The following ATR variants were observed in gnomAD, a reference collection of about 807,000 sequenced individuals.
ATR encodes serine/threonine-protein kinase ATR.
Under a neutral mutation model 305.3 loss-of-function variants are expected in ATR, and 142 were observed. The ratio of observed to expected loss-of-function variants is 0.47; its 90% CI spans 0.41 to 0.53. The LOEUF is 0.53. Among genes scored for constraint, ATR ranks in the 20% least tolerant of loss-of-function variants. The probability of loss-of-function intolerance (pLI) is 0.00; values close to 1 mark genes in which losing one functional copy is unlikely to be tolerated. For synonymous variants in ATR, 1,050 were observed against 1,068.1 expected, an observed-to-expected ratio of 0.98 and a Z score of 0.33; for missense variants, 2,135 against 3,133.1, an observed-to-expected ratio of 0.68 and a Z score of 7.60.
At chr3:142,477,806 C>G (rs1440056687) in intron 36 of ATR, among the ~76,000 whole-genome samples, 1 of 152,142 alleles carries the variant, frequency 6.6e-6, no homozygotes, top group Admixed American at 6.5e-5. Context: ...CAACTTCTTC[C>G]TGGTTTAGTC....
chr3:142,480,673 C>T (rs2030368466), intron 36 of ATR, among the ~76,000 whole-genome samples: 1 of 152,234 alleles, frequency 6.6e-6, no homozygotes, highest in Non-Finnish European at 1.5e-5. Context: ...CAGCTATGCC[C>T]TGCCCCCAGA....
At chr3:142,551,931 G>T (rs1047184907) in intron 13 of ATR, among the ~76,000 whole-genome samples, 1 of 152,020 alleles carries the variant, frequency 6.6e-6, no homozygotes, top group African/African-American at 2.4e-5. Context: ...ATCTGACAGA[G>T]GTCTAATATC....
In ATR at chr3:142,533,731, T is replaced by TA. The variant is rs113876291; in HGVS notation, c.3945+1348dup. Among the ~76,000 whole-genome samples, 1,361 of 152,248 alleles carry TA rather than the reference T, an allele frequency of 8.9e-3. 23 individuals are homozygous for TA. The highest frequency in any genetic ancestry group is 0.029 in the African/African-American group (1,218 of 41,536). ...GCTAAACTACATTAAATACTTACTT[T>TA]AAAAAAATCCCATAATAATATACGG... On this transcript the variant is annotated intron_variant, in intron 21 of 46. Transcript: ENST00000350721.
intron 27 of ATR, among the ~76,000 whole-genome samples, chr3:142,508,405 G>A (rs571226183): frequency 1.3e-5 from 2 of 152,130 alleles, no homozygotes; most frequent in African/African-American, 4.8e-5. Context: ...TGTTGGTGAG[G>A]ATTAAATATC....
chr3:142,453,165 G>A lies in ATR; in HGVS notation c.7724C>T (p.Ala2575Val), dbSNP rs762196224. The A allele has an allele frequency of 1.2e-5, 19 of 1,613,888 alleles. No homozygotes were observed. Among genetic ancestry groups the A allele is most frequent in the Middle Eastern group, 1.6e-4 (1 of 6,082 alleles). Residue 2575 changes from alanine (A) to valine (V), a missense_variant, in exon 46 of 47, where the codon GCG becomes GTG. By Grantham distance (64) the Ala-to-Val change is moderately conservative. Coordinates refer to ENST00000350721, the MANE Select transcript of ATR (RefSeq NM_001184.4). ...AACTTCTCCAGTTTCATTCAGTGGC[G>A]CTTTGGAATGCCCTTTCACTGGTTT... Reference protein sequence around the residue: ...WSKPVKGHSKAPLNETGEVVN... With the variant: ...WSKPVKGHSKVPLNETGEVVN...
chr3:142,515,411 C>A lies in ATR; in HGVS notation c.4487G>T (p.Gly1496Val), dbSNP rs752092339. 1 of 1,613,844 alleles carries A rather than the reference C, an allele frequency of 6.2e-7. No individual in the cohort carries two copies. The highest frequency in any genetic ancestry group is 1.1e-5 in the South Asian group (1 of 91,060). ...NFAEWSASWA[G>V]YLITKVRHDL... ...GTTTCTTACCTTTGTAATAAGATAA[C>A]CTGCCCAAGATGCTGACCATTCTGC... The change falls in exon 25 of 47, where the codon GGT becomes GTT. Residue 1496 changes from glycine to valine, a missense_variant. This residue lies in a region of ATR where 202 missense variants were observed against 252.9 expected (regional missense o/e 0.80). Coordinates refer to ENST00000350721, the MANE Select transcript of ATR (RefSeq NM_001184.4).
intron 27 of ATR, among the ~76,000 whole-genome samples, chr3:142,510,826 A>C (rs1168310400): frequency 2.6e-5 from 4 of 152,174 alleles, no homozygotes; most frequent in Non-Finnish European, 4.4e-5. Context: ...AAAGGTTCAA[A>C]GAAAGTAAGA....
chr3:142,465,926 A>C (rs2071117894), intron 40 of ATR: 1 of 211,646 alleles, frequency 4.7e-6, no homozygotes, highest in Non-Finnish European at 9.5e-6. Flanking sequence ...AAATTGCTTG[A>C]GCCTAAGAGG....
chr3:142,457,769 C>CA lies in ATR; in HGVS notation c.7504-15dup, dbSNP rs764000986. The CA allele has an allele frequency of 6.2e-7, 1 of 1,612,200 alleles. No individual in the cohort carries two copies. The highest frequency in any genetic ancestry group is 1.7e-5 in the Admixed American group (1 of 59,976). On this transcript the variant is annotated splice_polypyrimidine_tract_variant and intron_variant, in intron 44 of 46. Transcript: ENST00000350721. Reference sequence around the variant, plus strand: ...AAAGGTTTCTCCCTTAGAAACAATACATTTTATTACAAACTAACAATGTTA... The same window carrying CA: ...AAAGGTTTCTCCCTTAGAAACAATACAATTTTATTACAAACTAACAATGTTA...
At chr3:142,552,627 A>C (rs964111613) in intron 13 of ATR, among the ~76,000 whole-genome samples, 1 of 141,100 alleles carries the variant, frequency 7.1e-6, no homozygotes, top group African/African-American at 2.7e-5. Context: ...CTGAGATTGC[A>C]CCATTGCACT....
At chr3:142,482,772 T>C (rs968839022) in intron 36 of ATR, among the ~76,000 whole-genome samples, 1 of 151,414 alleles carries the variant, frequency 6.6e-6, no homozygotes, top group African/African-American at 2.4e-5. Flanking sequence ...GAGTTCAAGG[T>C]CATAGTTAGC....
chr3:142,572,259 C>T (rs1417294102), intron 1 of ATR, among the ~76,000 whole-genome samples: 2 of 149,200 alleles, frequency 1.3e-5, no homozygotes, highest in Non-Finnish European at 1.5e-5. Flanking sequence ...TTAGTAGAGA[C>T]GGGGTTGCAC....
rs74282951 is a variant in ATR, at chr3:142,558,617, C to A, written c.1885+7G>T. On this transcript the variant is annotated splice_region_variant and intron_variant, in intron 8 of 46. Transcript: ENST00000350721. ...CAAACCACACACACATTCTTGTGAG[C>A]ACTTACAATAGCTATCTGAAATCCT... 1 of 1,609,378 alleles carries A rather than the reference C, an allele frequency of 6.2e-7. No individual in the cohort carries two copies. Among genetic ancestry groups the A allele is most frequent in the Non-Finnish European group, 8.5e-7 (1 of 1,177,084 alleles).
chr3:142,491,318 T>G (rs1357062180), intron 35 of ATR, among the ~76,000 whole-genome samples: 1 of 152,190 alleles, frequency 6.6e-6, no homozygotes, highest in Non-Finnish European at 1.5e-5. Context: ...ACATCATGTA[T>G]AGGCAACCAG....
chr3:142,471,712 G>A (rs2071272911), intron 36 of ATR, among the ~76,000 whole-genome samples: 1 of 152,038 alleles, frequency 6.6e-6, no homozygotes, highest in Admixed American at 6.6e-5. Flanking sequence ...GCTAACTCAC[G>A]CATGCTAATT....
At chr3:142,517,542 G>C (rs929195312) in intron 24 of ATR, among the ~76,000 whole-genome samples, 3 of 152,056 alleles carry the variant, frequency 2.0e-5, no homozygotes, top group African/African-American at 7.2e-5. Flanking sequence ...TATTGAAAAC[G>C]CACTCTATCA....
In ATR at chr3:142,515,404, A is replaced by C. The variant is rs762935912; in HGVS notation, c.4494T>G (p.Leu1498=). Residue 1498 remains leucine (L), a synonymous_variant, in exon 25 of 47, where the codon CTT becomes CTG. Transcript: ENST00000350721. The part of the protein sequence containing the change: ...AEWSASWAGY[L]ITKVRHDLAS... ...GAACAGGGTTTCTTACCTTTGTAAT[A>C]AGATAACCTGCCCAAGATGCTGACC... 5.0e-6 allele frequency: 8 copies of C among 1,613,860 alleles called. No individual in the cohort carries two copies. Among genetic ancestry groups the C allele is most frequent in the Non-Finnish European group, 5.9e-6 (7 of 1,179,888 alleles).
At chr3:142,466,734 G>A (rs2071140771) in intron 39 of ATR, among the ~76,000 whole-genome samples, 1 of 152,090 alleles carries the variant, frequency 6.6e-6, no homozygotes, top group African/African-American at 2.4e-5. Flanking sequence ...ATGATTAAAG[G>A]AGAGAGTAGA....
intron 20 of ATR, among the ~76,000 whole-genome samples, 197 bp from the exon 21 acceptor site, chr3:142,535,402 C>T (rs1360445728): frequency 6.6e-6 from 1 of 152,048 alleles, no homozygotes; most frequent in African/African-American, 2.4e-5. Context: ...CATTGTAAAA[C>T]TGTTAGACCT....
Sources: gnomAD v4.1 joint callset for allele counts (sites outside exome capture counted in the v4.1 genomes callset) on GRCh38, gnomAD v4.1.1 for gene constraint, gnomAD v4.1.1 regional missense constraint, MANE v1.5 for transcripts, NCBI Gene and HGNC (gene_info 2026-07-23, HGNC 2026-07-21) for gene names.